Variants in SCN8A observed in about 807,000 individuals in gnomAD.
SCN8A encodes sodium channel protein type 8 subunit alpha.
SCN8A carries 30 observed loss-of-function variants against 184.1 expected under a neutral mutation model. That is an observed-to-expected ratio of 0.16 (90% CI 0.12 to 0.22). The LOEUF (loss-of-function observed/expected upper bound fraction) is 0.22, where lower values mean the gene tolerates loss of function less well. Ranked by LOEUF, SCN8A falls within the 10% of genes least tolerant of loss-of-function variation. The pLI, the probability that SCN8A is intolerant of heterozygous loss-of-function variation, is 1.00. For missense variants in SCN8A, 1,057 were observed against 2,498.9 expected, an observed-to-expected ratio of 0.42 and a Z score of 12.30; for synonymous variants, 852 against 907.0, an observed-to-expected ratio of 0.94 and a Z score of 1.09.
In SCN8A at chr12:51,807,349, A is replaced by G; in HGVS notation, c.5863A>G (p.Lys1955Glu). The G allele has an allele frequency of 6.2e-7, 1 of 1,613,870 alleles. No individual in the cohort carries two copies. Among genetic ancestry groups the G allele is most frequent in the Non-Finnish European group, 8.5e-7 (1 of 1,179,830 alleles). Residue 1955 changes from lysine (K) to glutamate (E), a missense_variant, in exon 27 of 27, where the codon AAG (lysine) becomes GAG (glutamate). Physicochemically the swap from Lys to Glu is moderately conservative, Grantham distance 56. This residue lies in a region of SCN8A where 95 missense variants were observed against 140.2 expected (regional missense o/e 0.68). Coordinates refer to ENST00000627620, the MANE Select transcript of SCN8A (RefSeq NM_001330260.2). This position sits in a 1 kb window ranked among gnomAD's most constrained non-coding sequence, Gnocchi z 4.5. Reference protein sequence around the residue: ...PSYDSVTKPEKEKQQRAEEGR... With the variant: ...PSYDSVTKPEEEKQQRAEEGR... ...CTATGACAGTGTAACTAAACCTGAA[A>G]AGGAGAAACAGCAGCGGGCAGAGGA...
At chr12:51,791,320 A>T (rs919228590) in intron 25 of SCN8A, among the ~76,000 whole-genome samples, 1 of 152,132 alleles carries the variant, frequency 6.6e-6, no homozygotes, top group Admixed American at 6.6e-5. Flanking sequence ...ATAGTTCCAG[A>T]ACGTTTTCTC....
At chr12:51,690,065 C>T (rs2138718650) in intron 6 of SCN8A, 1 of 152,176 alleles carries the variant, frequency 6.6e-6, no homozygotes, top group Middle Eastern at 3.4e-3. Context: ...CTGGGTAATA[C>T]TTATCTTTCT....
At chr12:51,715,146 C>T (rs968354678) in intron 11 of SCN8A, among the ~76,000 whole-genome samples, 10 of 152,180 alleles carry the variant, frequency 6.6e-5, no homozygotes, top group African/African-American at 2.4e-4. Context: ...TTACCCCTTT[C>T]ACATTTGTCC....
intron 1 of SCN8A, among the ~76,000 whole-genome samples, chr12:51,650,201 C>T (rs1940678285): frequency 6.6e-6 from 1 of 152,186 alleles, no homozygotes; most frequent in Non-Finnish European, 1.5e-5. Flanking sequence ...ACCATCAGGC[C>T]TCTGGTCAAA....
chr12:51,633,885 T>G (rs970515483), intron 1 of SCN8A, among the ~76,000 whole-genome samples: 1 of 152,232 alleles, frequency 6.6e-6, no homozygotes, highest in Non-Finnish European at 1.5e-5. Flanking sequence ...TATTTGAGAT[T>G]CAAGAAGAAA....
intron 26 of SCN8A, 106 bp downstream of exon 26, chr12:51,794,747 A>G (rs1592167379): frequency 9.1e-7 from 1 of 1,102,260 alleles, no homozygotes; most frequent in Non-Finnish European, 1.3e-6. Context: ...AGTGCAGGCA[A>G]GATACCCTCA....
At chr12:51,675,555 T>G (rs759574410) in intron 2 of SCN8A, among the ~76,000 whole-genome samples, 1 of 152,150 alleles carries the variant, frequency 6.6e-6, no homozygotes, top group Non-Finnish European at 1.5e-5. Flanking sequence ...CCTGGTGCAG[T>G]AAAAAGAGTT....
At chr12:51,621,458 TCATATTGGTG>T (rs1441422337) in intron 1 of SCN8A, among the ~76,000 whole-genome samples, 1 of 152,226 alleles carries the variant, frequency 6.6e-6, no homozygotes, top group Non-Finnish European at 1.5e-5. Context: ...ACAAAGTGCA[TCATATTGGTG>T]ACCCCTTTTA....
chr12:51,669,473 C>G (rs747881038), intron 2 of SCN8A, among the ~76,000 whole-genome samples: 4 of 152,196 alleles, frequency 2.6e-5, no homozygotes, highest in Non-Finnish European at 5.9e-5. Context: ...GAAGATCCCT[C>G]CACCCACCCA....
Position 51,807,537 on chromosome 12 carries a change from T to C in SCN8A, c.*108T>C. ...CAGAACAGCTGTGGAGACTCTAACC[T>C]GAAGATCTATACCAAACGTCGTCTG... On this transcript the variant is annotated 3_prime_UTR_variant, in exon 27 of 27. Transcript: ENST00000627620. The surrounding 1 kb of genome is among the most constrained non-coding windows in gnomAD (Gnocchi z 4.5). The C allele has an allele frequency of 8.4e-7, 1 of 1,185,274 alleles. No homozygotes were observed. Among genetic ancestry groups the C allele is most frequent in the Non-Finnish European group, 1.2e-6 (1 of 822,792 alleles). 73.4% of individuals were successfully genotyped at this position (1,185,274 alleles called of 1,614,324 possible). A position where few individuals can be genotyped will look rare whatever the true frequency, so the allele number is the denominator to read the frequency against.
intron 1 of SCN8A, among the ~76,000 whole-genome samples, chr12:51,658,536 C>T (rs1363196576): frequency 6.6e-6 from 1 of 152,068 alleles, no homozygotes; most frequent in Non-Finnish European, 1.5e-5. Flanking sequence ...CTTGAGAACA[C>T]TATGCTAAGT....
chr12:51,710,201 A>G lies in SCN8A; in HGVS notation c.1635+3486A>G, dbSNP rs114443268. 5.4e-3 allele frequency among the ~76,000 whole-genome samples: 822 copies of G among 152,260 alleles called. 6 individuals are homozygous for G. The highest frequency in any genetic ancestry group is 0.019 in the African/African-American group (789 of 41,546). On this transcript the variant is annotated intron_variant, in intron 11 of 26. Transcript: ENST00000627620. ...TTAAGTCCCAACTCCTTACCCTGGAATTCATAGCATTCCCCATCCCCTTAG... is the reference window on the plus strand; with the variant it reads ...TTAAGTCCCAACTCCTTACCCTGGAGTTCATAGCATTCCCCATCCCCTTAG...
In SCN8A at chr12:51,808,385, C is replaced by T. The variant is rs1565935381; in HGVS notation, c.*956C>T. The T allele has an allele frequency of 6.6e-6, 1 of 152,608 alleles. No individual in the cohort carries two copies. Among genetic ancestry groups the T allele is most frequent in the Non-Finnish European group, 1.5e-5 (1 of 68,058 alleles). The allele number at this position is 152,608 out of a possible 1,614,324, so 9.5% of individuals were successfully genotyped here. A position where few individuals can be genotyped will look rare whatever the true frequency, so the allele number is the denominator to read the frequency against. On this transcript the variant is annotated 3_prime_UTR_variant, in exon 27 of 27. Coordinates refer to ENST00000627620, the MANE Select transcript of SCN8A (RefSeq NM_001330260.2). ...GTATATGTTTAACAGACATCTCTAA[C>T]ATACAGCCATTGTTGCACATTTTGC...
intron 2 of SCN8A, among the ~76,000 whole-genome samples, chr12:51,667,848 A>G (rs551776607): frequency 6.6e-6 from 1 of 152,278 alleles, no homozygotes; most frequent in African/African-American, 2.4e-5. Context: ...TACAAGATTG[A>G]TCAATGTGTT....
At chr12:51,604,869 G>A (rs1456715464) in intron 1 of SCN8A, among the ~76,000 whole-genome samples, 1 of 151,934 alleles carries the variant, frequency 6.6e-6, no homozygotes, top group Non-Finnish European at 1.5e-5. Context: ...TTTAGGTTTG[G>A]GGGTACATGT....
intron 1 of SCN8A, among the ~76,000 whole-genome samples, chr12:51,641,059 C>T (rs1263772545): frequency 1.3e-5 from 2 of 152,096 alleles, no homozygotes; most frequent in African/African-American, 4.8e-5. Context: ...TGTAGTTTCT[C>T]CATCCATAGA....
At chr12:51,614,933 A>G (rs1939802362) in intron 1 of SCN8A, among the ~76,000 whole-genome samples, 2 of 152,140 alleles carry the variant, frequency 1.3e-5, no homozygotes, top group Admixed American at 1.3e-4. Flanking sequence ...TTATATGTTC[A>G]ATGTTGTACA....
At chr12:51,774,067 G>A (rs903651748) in intron 19 of SCN8A, 122 bp from the exon 20 acceptor site, 15 of 673,134 alleles carry the variant, frequency 2.2e-5, no homozygotes, top group Admixed American at 9.1e-5. Flanking sequence ...GGAGTAAAGC[G>A]AAGGAGACAG....
rs1280567089 is a variant in SCN8A at position 51,718,207 on chromosome 12, C to T, written c.1636-3339C>T. On this transcript the variant is annotated intron_variant, in intron 11 of 26. Transcript: ENST00000627620. ...ACATCAAAAGTATTAACAGGCTGAGCGCAGTGCCTCACTCCTGTAATCCCA... is the reference window on the plus strand; with the variant it reads ...ACATCAAAAGTATTAACAGGCTGAGTGCAGTGCCTCACTCCTGTAATCCCA... Among the ~76,000 whole-genome samples the T allele has an allele frequency of 3.3e-5, 5 of 152,128 alleles. No homozygotes were observed. The East Asian group carries it at 7.7e-4, about 23-fold the overall frequency.
Sources: allele counts gnomAD v4.1 joint callset (sites outside exome capture counted in the v4.1 genomes callset), GRCh38; gene constraint gnomAD v4.1.1; regional missense constraint gnomAD v4.1.1; non-coding constraint Gnocchi (gnomAD v3.1); transcripts MANE v1.5; gene names NCBI Gene and HGNC (gene_info 2026-07-23, HGNC 2026-07-21).